The following ZNF423 variants were observed in gnomAD, a reference collection of about 807,000 sequenced individuals.
ZNF423 encodes the protein zinc finger protein 423, also known as Ebf-associated zinc finger protein.
A neutral mutation model predicts 95.8 loss-of-function variants in ZNF423; 12 were observed. That is an observed-to-expected ratio of 0.13 (90% CI 0.08 to 0.20). The LOEUF is 0.20. Among genes scored for constraint, ZNF423 ranks in the 10% least tolerant of loss-of-function variants. ZNF423 has a pLI of 1.00. For synonymous variants in ZNF423, 749 were observed against 711.9 expected, an observed-to-expected ratio of 1.05 and a Z score of -0.83; for missense variants, 1,316 against 1,737.1, an observed-to-expected ratio of 0.76 and a Z score of 4.31.
Position 49,559,503 on chromosome 16 carries a change from G to A in ZNF423, c.3602-34009C>T, listed in dbSNP as rs539722399. Among the ~76,000 whole-genome samples, 32 of 152,250 alleles carry A rather than the reference G, an allele frequency of 2.1e-4. 1 individual carries two copies. The South Asian group carries it at 5.6e-3, about 27-fold the overall frequency. On this transcript the variant is annotated intron_variant, in intron 5 of 7. Transcript: ENST00000563137. ...ACTCTCTCCTGCTGCAGAATGAGTG[G>A]TTGGACCCAAACCTATCTCAACATC... is the stretch of plus-strand genomic sequence containing the variant.
At chr16:49,504,910 A>G (rs1384570187) in intron 7 of ZNF423, among the ~76,000 whole-genome samples, 1 of 152,164 alleles carries the variant, frequency 6.6e-6, no homozygotes, top group Admixed American at 6.5e-5. Context: ...GAAAGGCCTC[A>G]CCTGCAGTCA....
At chr16:49,695,072 G>A (rs1221199202) in intron 3 of ZNF423, among the ~76,000 whole-genome samples, 3 of 152,088 alleles carry the variant, frequency 2.0e-5, no homozygotes, top group Non-Finnish European at 4.4e-5. Context: ...GTTCTGCACC[G>A]AGCAGCTCAG....
chr16:49,667,300 C>T (rs1024353743), intron 3 of ZNF423, among the ~76,000 whole-genome samples: 1 of 152,186 alleles, frequency 6.6e-6, no homozygotes, highest in Non-Finnish European at 1.5e-5. Flanking sequence ...CATGGAGGCC[C>T]GAGAAGAGAC....
chr16:49,688,049 G>C (rs921298190), intron 3 of ZNF423, among the ~76,000 whole-genome samples: 5 of 95,196 alleles, frequency 5.3e-5, no homozygotes, highest in African/African-American at 2.1e-4. Context: ...GCAGACCACG[G>C]TGCGGTTTTT....
In ZNF423 at chr16:49,638,760, T is replaced by C; in HGVS notation, c.416A>G (p.Glu139Gly). Residue 139 changes from glutamate (E) to glycine (G), a missense_variant, in exon 4 of 8, where the codon GAA becomes GGA. Around this residue, in one of 6 missense-constraint regions of ZNF423, gnomAD observed 155 missense variants for 170.8 expected, o/e 0.91. Transcript: ENST00000563137. This position sits in a 1 kb window ranked among gnomAD's most constrained non-coding sequence, Gnocchi z 5.6. ...AGGGTATGGCAGGCCCGTGCCCCCT[T>C]CCTCCTCGCCGAGGCCGAGGTCACA... Reference protein sequence around the residue: ...DGCDLGLGEEEGGTGLPYPCQ... With the variant: ...DGCDLGLGEEGGGTGLPYPCQ... The C allele has an allele frequency of 6.2e-7, 1 of 1,614,086 alleles. No individual in the cohort carries two copies. Among genetic ancestry groups the C allele is most frequent in the South Asian group, 1.1e-5 (1 of 91,074 alleles).
At chr16:49,601,888 C>A (rs1337328928) in intron 5 of ZNF423, among the ~76,000 whole-genome samples, 1 of 152,196 alleles carries the variant, frequency 6.6e-6, no homozygotes. Context: ...TTCCTCAAGA[C>A]CCTGAGTCCT....
intron 3 of ZNF423, among the ~76,000 whole-genome samples, chr16:49,685,794 C>T (rs966529209): frequency 3.3e-5 from 5 of 152,106 alleles, no homozygotes; most frequent in Admixed American, 6.5e-5. Flanking sequence ...CTGAGGATGC[C>T]AAGACCCCCA....
At chr16:49,630,548 C>A (rs942300002) in intron 4 of ZNF423, among the ~76,000 whole-genome samples, 1 of 152,078 alleles carries the variant, frequency 6.6e-6, no homozygotes, top group Non-Finnish European at 1.5e-5. Context: ...GGGTTGGTAC[C>A]AACCAGCAGC....
chr16:49,519,834 C>T (rs752335708), intron 7 of ZNF423, among the ~76,000 whole-genome samples: 47 of 152,168 alleles, frequency 3.1e-4, no homozygotes, highest in Admixed American at 3.1e-3. Context: ...ATGATCTGGG[C>T]TCCACTGCCT....
intron 3 of ZNF423, among the ~76,000 whole-genome samples, chr16:49,644,601 C>T (rs1336631220): frequency 3.7e-5 from 5 of 134,968 alleles, no homozygotes; most frequent in African/African-American, 1.1e-4. Flanking sequence ...AGTTTGAGGC[C>T]GCAGTGAGCT....
chr16:49,576,925 T>G (rs1289326590), intron 5 of ZNF423, among the ~76,000 whole-genome samples: 1 of 152,240 alleles, frequency 6.6e-6, no homozygotes, highest in African/African-American at 2.4e-5. Context: ...AAGTGATTAC[T>G]AAACATTTAC....
intron 2 of ZNF423, among the ~76,000 whole-genome samples, chr16:49,732,362 T>C (rs2033189533): frequency 6.6e-6 from 1 of 152,196 alleles, no homozygotes; most frequent in Non-Finnish European, 1.5e-5. Flanking sequence ...TAAATGTCAA[T>C]GGATAAAATT....
chr16:49,529,058 C>T (rs1216951768), intron 5 of ZNF423, among the ~76,000 whole-genome samples: 1 of 151,940 alleles, frequency 6.6e-6, no homozygotes, highest in African/African-American at 2.4e-5. Context: ...CTGCAGGCCC[C>T]TCCACCCCAG....
intron 7 of ZNF423, among the ~76,000 whole-genome samples, chr16:49,499,605 G>C (rs1237480989): frequency 6.6e-6 from 1 of 152,188 alleles, no homozygotes; most frequent in East Asian, 1.9e-4. Flanking sequence ...CCGTGTTCTT[G>C]AGATGCTCTA....
At chr16:49,631,271 G>A (rs1379336069) in intron 4 of ZNF423, among the ~76,000 whole-genome samples, 2 of 152,072 alleles carry the variant, frequency 1.3e-5, no homozygotes, top group East Asian at 3.9e-4. Context: ...ACACCCTCAT[G>A]TACACACATG....
At chr16:49,724,017 T>C (rs2032939048) in intron 3 of ZNF423, among the ~76,000 whole-genome samples, 1 of 152,262 alleles carries the variant, frequency 6.6e-6, no homozygotes, top group African/African-American at 2.4e-5. Context: ...TTATGAACTA[T>C]AAATTCAGCA....
intron 5 of ZNF423, among the ~76,000 whole-genome samples, chr16:49,545,230 G>T (rs1200359017): frequency 6.6e-6 from 1 of 152,212 alleles, no homozygotes; most frequent in Non-Finnish European, 1.5e-5. Context: ...CATTCTGCAA[G>T]TTGGAACACT....
intron 3 of ZNF423, among the ~76,000 whole-genome samples, chr16:49,653,126 A>AGCG (rs1973475486): frequency 6.6e-6 from 1 of 152,164 alleles, no homozygotes; most frequent in African/African-American, 2.4e-5. Flanking sequence ...GCAGGGCTGC[A>AGCG]GCGGCAAAAC....
chr16:49,731,072 AC>A (rs2033155656), intron 2 of ZNF423, 101 bp from the exon 3 acceptor site: 18 of 1,356,878 alleles, frequency 1.3e-5, no homozygotes, highest in Non-Finnish European at 1.7e-5. Context: ...TAATTACTCT[AC>A]CTCCCGGGGT....
Sources: allele counts gnomAD v4.1 joint callset (sites outside exome capture counted in the v4.1 genomes callset), GRCh38; gene constraint gnomAD v4.1.1; regional missense constraint gnomAD v4.1.1; non-coding constraint Gnocchi (gnomAD v3.1); transcripts MANE v1.5; gene names NCBI Gene and HGNC (gene_info 2026-07-23, HGNC 2026-07-21).